CDH4: variants seen among roughly 807,000 people sequenced by gnomAD.
CDH4 encodes the protein cadherin-4.
A neutral mutation model predicts 86.0 loss-of-function variants in CDH4; 33 were observed. That is an observed-to-expected ratio of 0.38 (90% CI 0.29 to 0.51). CDH4 has a LOEUF of 0.51. Among genes scored for constraint, CDH4 ranks in the 20% least tolerant of loss-of-function variants. The pLI is 0.86. For synonymous variants in CDH4, 555 were observed against 549.4 expected (o/e 1.01, Z -0.14); for missense variants, 1,114 against 1,307.4 (o/e 0.85, Z 2.28).
rs1177371262 is a variant in CDH4, at chr20:61,703,661, GGCCATACAAGA to G, written c.170-39899_170-39889del. On this transcript the variant is annotated intron_variant, in intron 2 of 15. Coordinates refer to ENST00000614565, the MANE Select transcript of CDH4 (RefSeq NM_001794.5). The surrounding 1 kb of genome is among the most constrained non-coding windows in gnomAD (Gnocchi z 4.3). ...ATCTGATGTGTGCAGCCATCTCATT[GGCCATACAAGA>G]GCTGTCCATGTCTCATCTGGGCCCT... Among the ~76,000 whole-genome samples, 1 of 152,102 alleles carries G rather than the reference GGCCATACAAGA, an allele frequency of 6.6e-6. No homozygotes were observed. Among genetic ancestry groups the G allele is most frequent in the African/African-American group, 2.4e-5 (1 of 41,402 alleles).
At chr20:61,412,178 T>C (rs2085123164) in intron 2 of CDH4, among the ~76,000 whole-genome samples, 1 of 152,198 alleles carries the variant, frequency 6.6e-6, no homozygotes, top group African/African-American at 2.4e-5. Flanking sequence ...CCTCTGCCCT[T>C]CAGTCTAGTC....
rs541474094 is a variant in CDH4, at chr20:61,820,280, G to A, written c.577-24388G>A. On this transcript the variant is annotated intron_variant, in intron 4 of 15. Coordinates refer to ENST00000614565, the MANE Select transcript of CDH4 (RefSeq NM_001794.5). ...GCCTTCCACCTACACAGCGACCAGC[G>A]GCTCTCACTGGCTGCTGCCTGGCAT... is the stretch of plus-strand genomic sequence containing the variant. Among the ~76,000 whole-genome samples, 281 of 152,294 alleles carry A rather than the reference G, an allele frequency of 1.8e-3. 1 individual carries two copies. Among genetic ancestry groups the A allele is most frequent in the African/African-American group, 6.5e-3 (269 of 41,562 alleles).
At chr20:61,696,740 G>A (rs919263803) in intron 2 of CDH4, among the ~76,000 whole-genome samples, 44 of 152,180 alleles carry the variant, frequency 2.9e-4, no homozygotes, top group African/African-American at 1.1e-3. Flanking sequence ...CTGAATGGAG[G>A]CCCCCAAAAC....
At chr20:61,693,073 G>A (rs909518718) in intron 2 of CDH4, among the ~76,000 whole-genome samples, 1 of 152,138 alleles carries the variant, frequency 6.6e-6, no homozygotes, top group Non-Finnish European at 1.5e-5. Context: ...GATCTACGGG[G>A]ACTCTGTTAA....
chr20:61,567,810 C>T lies in CDH4; in HGVS notation c.170-175753C>T, dbSNP rs541482063. ...CAGCCTGGGCAACACGGCAAAACCC[C>T]GTATGTTAAAAAGTTAGCCAGGTGT... is the stretch of plus-strand genomic sequence containing the variant. On this transcript the variant is annotated intron_variant, in intron 2 of 15. Coordinates refer to ENST00000614565, the MANE Select transcript of CDH4 (RefSeq NM_001794.5). Among the ~76,000 whole-genome samples, 19 of 152,058 alleles carry T rather than the reference C, an allele frequency of 1.2e-4. No individual in the cohort carries two copies. In the East Asian group the frequency reaches 2.9e-3, roughly 23 times the overall value.
intron 2 of CDH4, among the ~76,000 whole-genome samples, chr20:61,716,298 G>T (rs559950913): frequency 9.2e-5 from 14 of 152,268 alleles, no homozygotes; most frequent in African/African-American, 2.4e-4. Flanking sequence ...CCTGTAAAGG[G>T]GTGGACACTC....
At chr20:61,572,893 A>C (rs1213467742) in intron 2 of CDH4, among the ~76,000 whole-genome samples, 1 of 151,446 alleles carries the variant, frequency 6.6e-6, no homozygotes, top group Admixed American at 6.6e-5. Flanking sequence ...AGATGGATGG[A>C]CAGACGGATG....
At chr20:61,798,706 C>T (rs1979676561) in intron 4 of CDH4, among the ~76,000 whole-genome samples, 1 of 152,238 alleles carries the variant, frequency 6.6e-6, no homozygotes, top group African/African-American at 2.4e-5. Context: ...GGACCCTGGA[C>T]AGCCTGCTTC....
chr20:61,332,296 A>G (rs1752901126), intron 2 of CDH4, among the ~76,000 whole-genome samples: 1 of 152,180 alleles, frequency 6.6e-6, no homozygotes. Flanking sequence ...CTCTGTGGCT[A>G]TGGATTCAGA....
At chr20:61,534,667 T>TTC (rs1311613208) in intron 2 of CDH4, among the ~76,000 whole-genome samples, 58 of 102,556 alleles carry the variant, frequency 5.7e-4, no homozygotes, top group East Asian at 9.1e-4. Flanking sequence ...CTTTCTTTCT[T>TTC]TTTTTTTTTT....
chr20:61,404,182 C>A (rs1249762081), intron 2 of CDH4, among the ~76,000 whole-genome samples: 2 of 151,936 alleles, frequency 1.3e-5, no homozygotes, highest in Non-Finnish European at 2.9e-5. Context: ...GGCCAGGACT[C>A]CCACCACCAC....
chr20:61,444,313 T>TGTGTGTGTTTC (rs1476177797), intron 2 of CDH4, among the ~76,000 whole-genome samples: 6 of 1,908 alleles, frequency 3.1e-3, no homozygotes, highest in East Asian at 0.012. Context: ...GTATGTATTT[T>TGTGTGTGTTTC]TGTGTATCTG....
chr20:61,920,273 GTCATGATTGTGTGGAAGCATGGTA>G (rs2054960849), intron 9 of CDH4, among the ~76,000 whole-genome samples: 10 of 141,332 alleles, frequency 7.1e-5, no homozygotes, highest in South Asian at 2.3e-4. Flanking sequence ...ATGGAAGCGT[GTCATGATTGTGTGGAAGCATGGTA>G]TCGTGATTGT....
intron 2 of CDH4, among the ~76,000 whole-genome samples, chr20:61,585,795 GTGA>G (rs2145725276): frequency 7.7e-6 from 1 of 129,594 alleles, no homozygotes; most frequent in Admixed American, 8.3e-5. Context: ...GATGGTGATG[GTGA>G]TGATTGTGGT....
intron 2 of CDH4, among the ~76,000 whole-genome samples, chr20:61,481,821 G>A (rs186814233): frequency 1.0e-3 from 155 of 152,304 alleles, no homozygotes; most frequent in African/African-American, 3.5e-3. Flanking sequence ...GAACCAAACT[G>A]CCTCAGCAAA....
Position 61,743,679 on chromosome 20 carries a change from G to A in CDH4, c.286G>A (p.Glu96Lys), listed in dbSNP as rs1403720358. The change falls in exon 3 of 16, where the codon GAG (glutamate) becomes AAG (lysine). Residue 96 changes from glutamate to lysine, a missense_variant. Coordinates refer to ENST00000614565, the MANE Select transcript of CDH4 (RefSeq NM_001794.5). Reference sequence around the variant, plus strand: ...CACCCGGGAGCTGCAGGTCCCCTCCGAGCAGGTGGCGTTCACGGTGACTGC... The same window carrying A: ...CACCCGGGAGCTGCAGGTCCCCTCCAAGCAGGTGGCGTTCACGGTGACTGC... Reference protein sequence around the residue: ...FATRELQVPSEQVAFTVTAWD... With the variant: ...FATRELQVPSKQVAFTVTAWD... 1.2e-5 allele frequency: 19 copies of A among 1,606,136 alleles called. No individual in the cohort carries two copies. Among genetic ancestry groups the A allele is most frequent in the African/African-American group, 2.7e-5 (2 of 74,870 alleles).
intron 2 of CDH4, among the ~76,000 whole-genome samples, chr20:61,478,678 C>T (rs776871285): frequency 6.6e-6 from 1 of 152,142 alleles, no homozygotes; most frequent in African/African-American, 2.4e-5. Flanking sequence ...CGAAGCCCGG[C>T]GTGTAGCAGA....
intron 4 of CDH4, among the ~76,000 whole-genome samples, chr20:61,823,930 A>G (rs1981186659): frequency 6.6e-6 from 1 of 152,244 alleles, no homozygotes; most frequent in African/African-American, 2.4e-5. Flanking sequence ...TGTAAAAGGC[A>G]TGTTTTATTG....
chr20:61,690,073 G>A (rs2087636344), intron 2 of CDH4, among the ~76,000 whole-genome samples: 1 of 148,158 alleles, frequency 6.7e-6, no homozygotes, highest in South Asian at 2.1e-4. Flanking sequence ...GTGAGTTGGT[G>A]AGGTGATGTG....
Sources: gnomAD v4.1 joint callset for allele counts (sites outside exome capture counted in the v4.1 genomes callset) on GRCh38, gnomAD v4.1.1 for gene constraint, Gnocchi (gnomAD v3.1) non-coding constraint, MANE v1.5 for transcripts, NCBI Gene and HGNC (gene_info 2026-07-23, HGNC 2026-07-21) for gene names.